CTNND2: variants seen among roughly 807,000 people sequenced by gnomAD.
CTNND2 encodes catenin delta-2.
A neutral mutation model predicts 144.4 loss-of-function variants in CTNND2; 22 were observed. That is an observed-to-expected ratio of 0.15 (90% CI 0.11 to 0.22). The LOEUF is 0.22. Ranked by LOEUF, CTNND2 falls within the 10% of genes least tolerant of loss-of-function variation. The probability of loss-of-function intolerance (pLI) is 1.00; values close to 1 mark genes in which losing one functional copy is unlikely to be tolerated. For missense variants in CTNND2, 1,353 were observed against 1,618.8 expected, an observed-to-expected ratio of 0.84 and a Z score of 2.82; for synonymous variants, 751 against 695.6, an observed-to-expected ratio of 1.08 and a Z score of -1.25.
chr5:11,333,555 G>A (rs1403429467), intron 9 of CTNND2, among the ~76,000 whole-genome samples: 1 of 152,142 alleles, frequency 6.6e-6, no homozygotes, highest in Non-Finnish European at 1.5e-5. Flanking sequence ...ATAGTTTTGT[G>A]AGATGATCAG....
intron 3 of CTNND2, among the ~76,000 whole-genome samples, chr5:11,546,575 T>A (rs1411481509): frequency 1.3e-5 from 2 of 152,140 alleles, no homozygotes; most frequent in African/African-American, 4.8e-5. Flanking sequence ...CACTTCTATA[T>A]AAAACAGAAA....
chr5:11,830,375 G>T (rs1793831465), intron 1 of CTNND2, among the ~76,000 whole-genome samples: 1 of 152,170 alleles, frequency 6.6e-6, no homozygotes. Flanking sequence ...TTCTGGGAGG[G>T]ACCCTGTGGG....
chr5:11,082,788 T>A lies in CTNND2; in HGVS notation c.2696A>T (p.Glu899Val), dbSNP rs1430145776. The stretch of plus-strand genomic sequence containing the variant: ...ACGGTCATTGTCTATTCGGAGCAGC[T>A]CCACGAGGATGGGCAGGCCTTTCTC... Reference protein sequence around the residue: ...RKEKGLPILVELLRIDNDRVV... With the variant: ...RKEKGLPILVVLLRIDNDRVV... The change falls in exon 16 of 22, where the codon GAG (glutamate) becomes GTG (valine). Residue 899 changes from glutamate to valine, a missense_variant. This residue lies in a region of CTNND2 where 459 missense variants were observed against 674.3 expected (regional missense o/e 0.68). Coordinates refer to ENST00000304623, the MANE Select transcript of CTNND2 (RefSeq NM_001332.4). 6.2e-7 allele frequency: 1 copy of A among 1,614,062 alleles called. No homozygotes were observed. The highest frequency in any genetic ancestry group is 8.5e-7 in the Non-Finnish European group (1 of 1,180,046).
intron 1 of CTNND2, among the ~76,000 whole-genome samples, chr5:11,902,563 T>C (rs1312146237): frequency 6.6e-6 from 1 of 152,134 alleles, no homozygotes; most frequent in African/African-American, 2.4e-5. Context: ...AGCACCTCCT[T>C]GTTTTCATGG....
intron 1 of CTNND2, among the ~76,000 whole-genome samples, chr5:11,809,865 A>G (rs1377619786): frequency 6.6e-6 from 1 of 152,216 alleles, no homozygotes; most frequent in Non-Finnish European, 1.5e-5. Context: ...TAATTATTTT[A>G]TCAGGAGAGA....
intron 9 of CTNND2, among the ~76,000 whole-genome samples, chr5:11,330,428 G>A (rs890440519): frequency 7.1e-6 from 1 of 140,068 alleles, no homozygotes; most frequent in African/African-American, 2.7e-5. Flanking sequence ...AGCTTGCAGT[G>A]AGCCGAGATC....
chr5:11,842,445 C>T (rs73743286), intron 1 of CTNND2, among the ~76,000 whole-genome samples: 4,686 of 152,148 alleles, frequency 0.031, 115 homozygotes, highest in African/African-American at 0.067. Flanking sequence ...ATGGGCCGGG[C>T]GCAGTGGCTC....
intron 16 of CTNND2, among the ~76,000 whole-genome samples, chr5:11,071,824 TC>T (rs1748346391): frequency 6.6e-6 from 1 of 151,972 alleles, no homozygotes; most frequent in African/African-American, 2.4e-5. Flanking sequence ...CTCAAGAAAC[TC>T]CCTGGCAAAG....
intron 7 of CTNND2, among the ~76,000 whole-genome samples, chr5:11,380,876 T>G (rs996368610): frequency 6.6e-6 from 1 of 152,238 alleles, no homozygotes; most frequent in Admixed American, 6.5e-5. Context: ...TGAAAAACTC[T>G]AACCTGCATA....
At chr5:11,183,890 G>A (rs1026414902) in intron 11 of CTNND2, among the ~76,000 whole-genome samples, 52 of 151,894 alleles carry the variant, frequency 3.4e-4, no homozygotes, top group African/African-American at 1.1e-3. Context: ...TTTCTCACTC[G>A]CTCATGCTGT....
chr5:11,237,104 C>T (rs888749204), intron 9 of CTNND2, among the ~76,000 whole-genome samples: 3 of 151,688 alleles, frequency 2.0e-5, no homozygotes, highest in African/African-American at 7.3e-5. Context: ...ACTGCAAGCT[C>T]CGCCTCCCGG....
chr5:11,511,234 T>C (rs1023138502), intron 3 of CTNND2, among the ~76,000 whole-genome samples: 15 of 152,208 alleles, frequency 9.9e-5, no homozygotes, highest in African/African-American at 3.4e-4. Flanking sequence ...AGAAAAAATA[T>C]CTAACATTTA....
At chr5:11,638,998 A>C (rs1249130102) in intron 2 of CTNND2, among the ~76,000 whole-genome samples, 1 of 152,208 alleles carries the variant, frequency 6.6e-6, no homozygotes, top group Admixed American at 6.5e-5. Context: ...CTGAGAAGGA[A>C]CACTTGAGAA....
chr5:11,292,608 C>T (rs565884076), intron 9 of CTNND2, among the ~76,000 whole-genome samples: 2 of 152,238 alleles, frequency 1.3e-5, no homozygotes, highest in African/African-American at 2.4e-5. Flanking sequence ...TCTTGCCTGC[C>T]GCCATGTAAG....
intron 1 of CTNND2, among the ~76,000 whole-genome samples, chr5:11,742,172 C>A (rs1248715820): frequency 6.6e-6 from 1 of 152,054 alleles, no homozygotes; most frequent in Admixed American, 6.6e-5. Context: ...TGTAACCAAC[C>A]ACCACCTGTT....
At chr5:11,668,890 T>A (rs1581695752) in intron 2 of CTNND2, among the ~76,000 whole-genome samples, 1 of 152,288 alleles carries the variant, frequency 6.6e-6, no homozygotes, top group East Asian at 1.9e-4. Flanking sequence ...AGTATGATAG[T>A]GGCTGTCGGA....
intron 3 of CTNND2, among the ~76,000 whole-genome samples, chr5:11,489,433 A>C (rs1326907439): frequency 6.6e-6 from 1 of 152,196 alleles, no homozygotes; most frequent in Non-Finnish European, 1.5e-5. Flanking sequence ...AAGACATAAA[A>C]ATATGGCTGG....
At chr5:11,069,546 A>G (rs367812799) in intron 16 of CTNND2, among the ~76,000 whole-genome samples, 28 of 152,322 alleles carry the variant, frequency 1.8e-4, no homozygotes, top group African/African-American at 6.7e-4. Flanking sequence ...GAGGATGGAT[A>G]GAGACAGTGG....
At chr5:11,317,456 C>T (rs1751628717) in intron 9 of CTNND2, among the ~76,000 whole-genome samples, 1 of 152,170 alleles carries the variant, frequency 6.6e-6, no homozygotes, top group Admixed American at 6.5e-5. Flanking sequence ...TCCCATTTTG[C>T]TTTTTCTCTA....
Sources: gnomAD v4.1 joint callset for allele counts (sites outside exome capture counted in the v4.1 genomes callset) on GRCh38, gnomAD v4.1.1 for gene constraint, gnomAD v4.1.1 regional missense constraint, MANE v1.5 for transcripts, NCBI Gene and HGNC (gene_info 2026-07-23, HGNC 2026-07-21) for gene names.